NTM: variants seen among roughly 807,000 people sequenced by gnomAD.
NTM encodes neurotrimin.
NTM carries 13 observed loss-of-function variants against 42.1 expected under a neutral mutation model. The observed-to-expected ratio is 0.31, with a 90% CI of 0.20 to 0.49. The LOEUF (loss-of-function observed/expected upper bound fraction) is 0.49. Ranked by LOEUF, NTM falls within the 20% of genes least tolerant of loss-of-function variation. NTM has a pLI of 0.99. For missense variants in NTM, 373 were observed against 452.8 expected, an observed-to-expected ratio of 0.82 and a Z score of 1.60; for synonymous variants, 187 against 179.2, an observed-to-expected ratio of 1.04 and a Z score of -0.35.
At chr11:132,309,945 A>T in intron 5 of NTM, 167 bp from the exon 6 acceptor site, 2 of 411,910 alleles carry the variant, frequency 4.9e-6, no homozygotes, top group Non-Finnish European at 3.3e-6. Context: ...AATCCCAATT[A>T]CTTGGGAAGC....
rs146665934 is a variant in NTM, at chr11:131,379,379, T to G, written c.82+8491T>G. Among the ~76,000 whole-genome samples the G allele has an allele frequency of 3.5e-3, 534 of 152,304 alleles. 3 individuals carry two copies. The highest frequency in any genetic ancestry group is 0.012 in the African/African-American group (508 of 41,556). ...AGAGGAAGGAGAAGGAGATTCTGCC[T>G]TCTTATAGAATCCAGCCACATGTCC... On this transcript the variant is annotated intron_variant, in intron 1 of 8. Coordinates refer to ENST00000683400, the MANE Select transcript of NTM (RefSeq NM_001352005.2).
intron 1 of NTM, among the ~76,000 whole-genome samples, chr11:131,856,038 C>T (rs1216901075): frequency 2.0e-5 from 3 of 152,224 alleles, no homozygotes; most frequent in Non-Finnish European, 2.9e-5. Context: ...GAAGAAACTC[C>T]TGGACTGATT....
chr11:132,237,508 G>T (rs2089247984), intron 4 of NTM, among the ~76,000 whole-genome samples: 1 of 152,184 alleles, frequency 6.6e-6, no homozygotes, highest in Non-Finnish European at 1.5e-5. Flanking sequence ...ATGGCGGAAA[G>T]TGAAAGAAGC....
chr11:131,998,622 C>T lies in NTM; in HGVS notation c.167+86974C>T, dbSNP rs182833730. ...TTTCAATTCAATTGTTAGAGAGACA[C>T]AATCTCATACTCCGTCGGTCACCCT... On this transcript the variant is annotated intron_variant, in intron 2 of 8. Transcript: ENST00000683400. 5.3e-5 allele frequency among the ~76,000 whole-genome samples: 8 copies of T among 152,226 alleles called. No individual in the cohort carries two copies. The East Asian group carries it at 1.5e-3, about 29-fold the overall frequency.
At chr11:132,188,793 A>T (rs951420319) in intron 3 of NTM, among the ~76,000 whole-genome samples, 31 of 152,174 alleles carry the variant, frequency 2.0e-4, no homozygotes, top group African/African-American at 7.2e-4. Flanking sequence ...AATAAAGGCA[A>T]GTGCATTAAC....
At chr11:131,476,421 C>G (rs544629369) in intron 1 of NTM, among the ~76,000 whole-genome samples, 1 of 152,312 alleles carries the variant, frequency 6.6e-6, no homozygotes, top group South Asian at 2.1e-4. Flanking sequence ...CCCTGCTCGT[C>G]TAGACTGCTA....
At chr11:132,179,675 A>G (rs912981067) in intron 3 of NTM, among the ~76,000 whole-genome samples, 1 of 152,178 alleles carries the variant, frequency 6.6e-6, no homozygotes, top group Admixed American at 6.5e-5. Flanking sequence ...GACCCACTCT[A>G]TTATAGTAAT....
chr11:132,039,942 G>C (rs1008821694), intron 2 of NTM, among the ~76,000 whole-genome samples: 2 of 149,902 alleles, frequency 1.3e-5, no homozygotes, highest in Admixed American at 1.3e-4. Flanking sequence ...TTTTTTTTTT[G>C]GAGACAGAGT....
intron 4 of NTM, among the ~76,000 whole-genome samples, chr11:132,226,585 CT>C (rs2086345185): frequency 1.3e-5 from 2 of 151,916 alleles, no homozygotes; most frequent in South Asian, 4.2e-4. Context: ...GGTTTAAGTT[CT>C]TTGTAGATTC....
chr11:131,665,969 C>A (rs1164786163), intron 1 of NTM, among the ~76,000 whole-genome samples: 2 of 152,196 alleles, frequency 1.3e-5, no homozygotes, highest in African/African-American at 4.8e-5. Flanking sequence ...TGCTCAGTAT[C>A]CAGTTTTGCT....
At chr11:132,164,167 C>CA (rs1349331218) in intron 3 of NTM, among the ~76,000 whole-genome samples, 1 of 152,112 alleles carries the variant, frequency 6.6e-6, no homozygotes, top group African/African-American at 2.4e-5. Flanking sequence ...ACTGAGACAC[C>CA]AAATGGGTTG....
At chr11:131,574,102 G>T (rs1429499037) in intron 1 of NTM, among the ~76,000 whole-genome samples, 1 of 152,196 alleles carries the variant, frequency 6.6e-6, no homozygotes, top group Non-Finnish European at 1.5e-5. Flanking sequence ...CGCCCAGTGT[G>T]GTGTCTGGGG....
intron 2 of NTM, among the ~76,000 whole-genome samples, chr11:132,091,974 C>G (rs912549710): frequency 1.3e-5 from 2 of 152,158 alleles, no homozygotes; most frequent in Non-Finnish European, 2.9e-5. Context: ...GCTCTCATAA[C>G]TTTTTGCCAC....
chr11:131,523,865 A>G (rs2324516), intron 1 of NTM, among the ~76,000 whole-genome samples: 25,878 of 151,618 alleles, frequency 0.17, 2,282 homozygotes, highest in Middle Eastern at 0.22. Context: ...AAGTGAAAGA[A>G]TTCTCTGTGC....
At chr11:132,221,670 G>A (rs1206769480) in intron 4 of NTM, among the ~76,000 whole-genome samples, 1 of 152,208 alleles carries the variant, frequency 6.6e-6, no homozygotes, top group South Asian at 2.1e-4. Context: ...TGTGATGCAA[G>A]CTCAAGTTTG....
intron 1 of NTM, among the ~76,000 whole-genome samples, chr11:131,692,533 CTG>C (rs139030172): frequency 0.018 from 2,667 of 152,302 alleles, 85 homozygotes; most frequent in African/African-American, 0.061. Context: ...TTTGAAGAAA[CTG>C]AGAGAGAAAG....
At chr11:132,053,924 A>G (rs1482065059) in intron 2 of NTM, among the ~76,000 whole-genome samples, 2 of 152,216 alleles carry the variant, frequency 1.3e-5, no homozygotes, top group South Asian at 2.1e-4. Flanking sequence ...TGGTCACCCA[A>G]TAAAAAAGTC....
At chr11:131,735,504 G>A (rs1413533883) in intron 1 of NTM, among the ~76,000 whole-genome samples, 2 of 152,242 alleles carry the variant, frequency 1.3e-5, no homozygotes, top group Non-Finnish European at 2.9e-5. Context: ...CCAGGGGGAT[G>A]TGTGGGGTTG....
chr11:132,310,352 T>G, intron 6 of NTM, 120 bp downstream of exon 6: 4 of 950,074 alleles, frequency 4.2e-6, no homozygotes, highest in Non-Finnish European at 6.0e-6. Flanking sequence ...AACTTATCTC[T>G]ATAGGGGGCA....
Sources: gnomAD v4.1 joint callset for allele counts (sites outside exome capture counted in the v4.1 genomes callset) on GRCh38, gnomAD v4.1.1 for gene constraint, MANE v1.5 for transcripts, NCBI Gene and HGNC (gene_info 2026-07-23, HGNC 2026-07-21) for gene names.